GRID2: variants seen among roughly 807,000 people sequenced by gnomAD.
GRID2 encodes the protein glutamate ionotropic receptor delta type subunit 2, also known as glutamate receptor ionotropic, delta-2.
GRID2 carries 33 observed loss-of-function variants against 114.8 expected under a neutral mutation model. That is an observed-to-expected ratio of 0.29 (90% CI 0.22 to 0.38). The LOEUF is 0.38. Ranked by LOEUF, GRID2 falls within the 10% of genes least tolerant of loss-of-function variation. The pLI is 1.00. For synonymous variants in GRID2, 505 were observed against 449.9 expected (o/e 1.12, Z -1.55); for missense variants, 1,184 against 1,257.7 (o/e 0.94, Z 0.89).
chr4:92,474,432 G>C (rs1226403251), intron 1 of GRID2, among the ~76,000 whole-genome samples: 1 of 152,048 alleles, frequency 6.6e-6, no homozygotes. Context: ...ATGAACACAA[G>C]GTTGATTCCA....
At chr4:92,861,362 A>G (rs1466502213) in intron 2 of GRID2, among the ~76,000 whole-genome samples, 2 of 152,090 alleles carry the variant, frequency 1.3e-5, no homozygotes, top group African/African-American at 4.8e-5. Context: ...AAAATCTATC[A>G]AACACCCAGT....
intron 2 of GRID2, among the ~76,000 whole-genome samples, chr4:92,696,552 CA>C (rs778974178): frequency 2.6e-5 from 4 of 151,974 alleles, no homozygotes; most frequent in Admixed American, 2.0e-4. Context: ...TGAAGAAAGA[CA>C]AAAATCTTTT....
At chr4:92,682,682 G>GCACACACACA (rs57217377) in intron 2 of GRID2, among the ~76,000 whole-genome samples, 4,213 of 142,732 alleles carry the variant, frequency 0.03, 82 homozygotes, top group East Asian at 0.057. Flanking sequence ...AAATCGCAGG[G>GCACACACACA]CACACACACA....
chr4:92,488,013 T>C (rs1387845671), intron 1 of GRID2, among the ~76,000 whole-genome samples: 1 of 152,190 alleles, frequency 6.6e-6, no homozygotes, highest in African/African-American at 2.4e-5. Context: ...GTAGAACTTC[T>C]TTTGATTCAG....
At chr4:93,766,790 ATT>A (rs1467469295) in intron 14 of GRID2, among the ~76,000 whole-genome samples, 1 of 152,114 alleles carries the variant, frequency 6.6e-6, no homozygotes, top group Non-Finnish European at 1.5e-5. Context: ...ATGTGCCATT[ATT>A]TTTTATTATT....
At chr4:93,794,599 C>A (rs188475177) in intron 1 of GRID2, among the ~76,000 whole-genome samples, 1 of 152,218 alleles carries the variant, frequency 6.6e-6, no homozygotes, top group Non-Finnish European at 1.5e-5. Context: ...AGCGTCTCGG[C>A]GAGCCTTTCT....
At chr4:93,428,750 T>C (rs577188731) in intron 10 of GRID2, among the ~76,000 whole-genome samples, 2 of 152,170 alleles carry the variant, frequency 1.3e-5, no homozygotes, top group Non-Finnish European at 2.9e-5. Flanking sequence ...CTAACAGATA[T>C]ATTTTTAAAA....
intron 8 of GRID2, among the ~76,000 whole-genome samples, chr4:93,284,004 C>G (rs1371394421): frequency 1.3e-5 from 2 of 152,028 alleles, no homozygotes; most frequent in Non-Finnish European, 2.9e-5. Flanking sequence ...AGTTAGGTTT[C>G]ACTGTTCATT....
chr4:92,917,461 A>C (rs111396707), intron 2 of GRID2, among the ~76,000 whole-genome samples: 35 of 152,046 alleles, frequency 2.3e-4, no homozygotes, highest in Non-Finnish European at 2.6e-4. Flanking sequence ...ATGGTATTGC[A>C]TAGGTTTTCG....
chr4:93,251,335 C>T (rs1256233563), intron 8 of GRID2, among the ~76,000 whole-genome samples: 1 of 152,080 alleles, frequency 6.6e-6, no homozygotes, highest in Non-Finnish European at 1.5e-5. Flanking sequence ...AATATAACCT[C>T]ACATGCACAA....
chr4:92,323,520 C>G (rs1726429624), intron 1 of GRID2, among the ~76,000 whole-genome samples: 2 of 151,964 alleles, frequency 1.3e-5, no homozygotes, highest in Admixed American at 6.6e-5. Context: ...GTGTGGTAGC[C>G]TGCATTGGTC....
chr4:93,522,657 G>T (rs923418704), intron 13 of GRID2, among the ~76,000 whole-genome samples: 1 of 152,112 alleles, frequency 6.6e-6, no homozygotes, highest in Non-Finnish European at 1.5e-5. Context: ...ATATGAAAAG[G>T]GTGGCAGGAA....
intron 2 of GRID2, among the ~76,000 whole-genome samples, chr4:92,704,686 CCAAT>C (rs1221712965): frequency 8.3e-5 from 11 of 132,346 alleles, no homozygotes; most frequent in Non-Finnish European, 1.5e-4. Context: ...TCTTTTCTCC[CCAAT>C]CAATCAATCA....
chr4:93,808,457 A>G (rs535734979), exon 2 of GRID2: 4 of 152,306 alleles, frequency 2.6e-5, no homozygotes, highest in Admixed American at 1.3e-4. Flanking sequence ...TGGGTTCTTC[A>G]TCTTCTCTAC....
chr4:92,718,203 G>A (rs190839010), intron 2 of GRID2, among the ~76,000 whole-genome samples: 8 of 151,916 alleles, frequency 5.3e-5, no homozygotes, highest in African/African-American at 1.4e-4. Context: ...CCCAAATCAG[G>A]AAAAAATTAT....
rs187714729 is a variant in GRID2 at position 93,586,217 on chromosome 4, G to A, written c.2194-40052G>A. Among the ~76,000 whole-genome samples the A allele has an allele frequency of 7.7e-4, 117 of 152,088 alleles. 2 individuals are homozygous for A. Among genetic ancestry groups the A allele is most frequent in the Admixed American group, 6.4e-3 (98 of 15,260 alleles). On this transcript the variant is annotated intron_variant, in intron 13 of 15. Coordinates refer to ENST00000282020, the MANE Select transcript of GRID2 (RefSeq NM_001510.4). ...CATTTCTGCAGATGTACCACCACCC[G>A]TATCATTCAACCAGTTCAGACATCT...
intron 2 of GRID2, among the ~76,000 whole-genome samples, chr4:92,901,759 T>C (rs1043213591): frequency 6.6e-6 from 1 of 152,108 alleles, no homozygotes; most frequent in Non-Finnish European, 1.5e-5. Context: ...TGCTGTTGGA[T>C]ACAGTGTTTT....
intron 14 of GRID2, among the ~76,000 whole-genome samples, chr4:93,725,157 T>C (rs1729741680): frequency 6.6e-6 from 1 of 152,008 alleles, no homozygotes; most frequent in Non-Finnish European, 1.5e-5. Context: ...CAACAGTCCC[T>C]GGTGTGTGAT....
chr4:93,607,658 G>A (rs1464041289), intron 13 of GRID2, among the ~76,000 whole-genome samples: 4 of 152,088 alleles, frequency 2.6e-5, no homozygotes, highest in Admixed American at 2.6e-4. Context: ...CTAGCAATAT[G>A]TGAGAGTACA....
Sources: allele counts gnomAD v4.1 joint callset (sites outside exome capture counted in the v4.1 genomes callset), GRCh38; gene constraint gnomAD v4.1.1; transcripts MANE v1.5; gene names NCBI Gene and HGNC (gene_info 2026-07-23, HGNC 2026-07-21).